The following DPP10 variants were observed in gnomAD, a reference collection of about 807,000 sequenced individuals.
DPP10 encodes the protein dipeptidyl peptidase like 10.
In DPP10, 33 loss-of-function variants were observed where a neutral mutation model predicts 120.9. The ratio of observed to expected loss-of-function variants is 0.27; its 90% confidence interval spans 0.21 to 0.37. DPP10 has a LOEUF of 0.37. Ranked by LOEUF, DPP10 falls within the 10% of genes least tolerant of loss-of-function variation. The pLI is 1.00. For missense variants in DPP10, 816 were observed against 942.8 expected, an observed-to-expected ratio of 0.87 and a Z score of 1.76; for synonymous variants, 337 against 326.1, an observed-to-expected ratio of 1.03 and a Z score of -0.36.
At chr2:114,637,347 A>G (rs1695375547) in intron 1 of DPP10, among the ~76,000 whole-genome samples, 1 of 151,904 alleles carries the variant, frequency 6.6e-6, no homozygotes, top group South Asian at 2.1e-4. Context: ...TACCCTCACT[A>G]TTGTCCTCCA....
intron 1 of DPP10, among the ~76,000 whole-genome samples, chr2:114,938,189 T>G (rs1696626177): frequency 6.6e-6 from 1 of 152,212 alleles, no homozygotes; most frequent in Non-Finnish European, 1.5e-5. Flanking sequence ...AAAATTGGTT[T>G]TATTTTTGTG....
At chr2:115,095,452 A>G (rs1709640382) in intron 1 of DPP10, among the ~76,000 whole-genome samples, 1 of 152,170 alleles carries the variant, frequency 6.6e-6, no homozygotes, top group South Asian at 2.1e-4. Context: ...ACCTGGCAGA[A>G]CACTGTGGTC....
intron 1 of DPP10, among the ~76,000 whole-genome samples, chr2:114,963,521 A>G (rs996461602): frequency 2.0e-5 from 3 of 152,236 alleles, no homozygotes; most frequent in African/African-American, 7.2e-5. Context: ...TGTAAAATTT[A>G]TATGAGGTAC....
intron 11 of DPP10, among the ~76,000 whole-genome samples, chr2:115,757,625 G>A (rs938720534): frequency 2.0e-5 from 3 of 151,798 alleles, no homozygotes; most frequent in Admixed American, 2.0e-4. Context: ...GATTTGGGTG[G>A]GACACAGCCA....
At chr2:114,601,322 A>G (rs976419218) in intron 1 of DPP10, among the ~76,000 whole-genome samples, 1 of 151,950 alleles carries the variant, frequency 6.6e-6, no homozygotes, top group Non-Finnish European at 1.5e-5. Context: ...ATTCTAGACC[A>G]AAGATCTTCT....
intron 1 of DPP10, among the ~76,000 whole-genome samples, chr2:114,540,846 A>T (rs1172321400): frequency 6.6e-6 from 1 of 152,138 alleles, no homozygotes; most frequent in Non-Finnish European, 1.5e-5. Context: ...AACCATACAT[A>T]AAATGGTATT....
At chr2:114,475,983 A>T (rs1178652738) in intron 1 of DPP10, among the ~76,000 whole-genome samples, 4 of 152,192 alleles carry the variant, frequency 2.6e-5, no homozygotes, top group Admixed American at 2.0e-4. Flanking sequence ...CTGTTTCACA[A>T]ACCATCAGAG....
intron 5 of DPP10, among the ~76,000 whole-genome samples, chr2:115,633,118 A>G (rs1320119905): frequency 3.9e-5 from 6 of 152,238 alleles, no homozygotes; most frequent in Non-Finnish European, 7.3e-5. Context: ...GCTGCTATAA[A>G]GACACATGCA....
intron 5 of DPP10, among the ~76,000 whole-genome samples, chr2:115,541,590 A>G (rs2079173720): frequency 6.6e-6 from 1 of 151,876 alleles, no homozygotes; most frequent in Non-Finnish European, 1.5e-5. Flanking sequence ...ATAATTTGCT[A>G]AAGATCTGCT....
At chr2:115,817,875 A>C (rs1687423211) in intron 21 of DPP10, among the ~76,000 whole-genome samples, 1 of 152,124 alleles carries the variant, frequency 6.6e-6, no homozygotes, top group Non-Finnish European at 1.5e-5. Flanking sequence ...TGAGGTGTCT[A>C]GAGTGGTTGA....
At chr2:115,560,243 T>C (rs532427717) in intron 5 of DPP10, among the ~76,000 whole-genome samples, 1,669 of 148,750 alleles carry the variant, frequency 0.011, 34 homozygotes, top group African/African-American at 0.038. Flanking sequence ...TGGTGGCTGG[T>C]GCCTGTAGTC....
chr2:114,809,733 C>T (rs1298305986), intron 1 of DPP10, among the ~76,000 whole-genome samples: 1 of 152,124 alleles, frequency 6.6e-6, no homozygotes, highest in Non-Finnish European at 1.5e-5. Flanking sequence ...TGACTCTTTA[C>T]CTGCATACGG....
Position 115,019,409 on chromosome 2 carries a change from G to C in DPP10, c.61-289830G>C, listed in dbSNP as rs899258046. ...TCTCAGCAAGAGAATCAAATAAGTA[G>C]AAGAAAGAACTTCAGAGCTCAAAGA... On this transcript the variant is annotated intron_variant, in intron 1 of 25. Transcript: ENST00000410059. Among the ~76,000 whole-genome samples, 4 of 151,918 alleles carry C rather than the reference G, an allele frequency of 2.6e-5. No individual in the cohort carries two copies. In the East Asian group the frequency reaches 7.7e-4, roughly 29 times the overall value.
In DPP10 at chr2:115,232,324, GAA is replaced by G. The variant is rs5833583; in HGVS notation, c.61-76905_61-76904del. On this transcript the variant is annotated intron_variant, in intron 1 of 25. Transcript: ENST00000410059. ...TGTTCTGAGCTTCACCATTTTTCTG[GAA>G]AAAAAAAAAGGTTTTTAGGTGCTTT... 7.4e-4 allele frequency among the ~76,000 whole-genome samples: 110 copies of G among 148,404 alleles called. 1 individual carries two copies. The highest frequency in any genetic ancestry group is 2.1e-3 in the African/African-American group (82 of 39,788).
rs1573629490 is a variant in DPP10 at position 114,550,343 on chromosome 2, T to A, written c.60+107505T>A. 3.3e-5 allele frequency among the ~76,000 whole-genome samples: 5 copies of A among 152,374 alleles called. No individual in the cohort carries two copies. In the South Asian group the frequency reaches 1.0e-3, roughly 32 times the overall value. On this transcript the variant is annotated intron_variant, in intron 1 of 25. Coordinates refer to ENST00000410059, the MANE Select transcript of DPP10 (RefSeq NM_020868.6). ...TTGCCAGGCACAGTTCTAAGTTCTT[T>A]ACAAATGTTAGATCATTTACTCCTC...
chr2:115,333,622 G>A (rs1292276292), intron 2 of DPP10, among the ~76,000 whole-genome samples: 1 of 152,042 alleles, frequency 6.6e-6, no homozygotes, highest in African/African-American at 2.4e-5. Context: ...AGGCCTGGTG[G>A]TGACAAAATC....
At chr2:115,380,633 G>A (rs1218379300) in intron 3 of DPP10, among the ~76,000 whole-genome samples, 3 of 151,972 alleles carry the variant, frequency 2.0e-5, no homozygotes, top group African/African-American at 7.2e-5. Context: ...AGTTGATGCA[G>A]TTTCTTCCTA....
intron 3 of DPP10, among the ~76,000 whole-genome samples, chr2:115,368,154 C>G (rs1471663374): frequency 6.6e-6 from 1 of 152,036 alleles, no homozygotes; most frequent in Non-Finnish European, 1.5e-5. Context: ...TGAGTTTGTG[C>G]TAACAAAATC....
intron 14 of DPP10, 123 bp downstream of exon 14, chr2:115,777,422 A>T: frequency 1.2e-6 from 1 of 826,780 alleles, no homozygotes; most frequent in Non-Finnish European, 1.9e-6. Flanking sequence ...GGAAAGAATA[A>T]CCTTTCTTTA....
Sources: gnomAD v4.1 joint callset for allele counts (sites outside exome capture counted in the v4.1 genomes callset) on GRCh38, gnomAD v4.1.1 for gene constraint, MANE v1.5 for transcripts, NCBI Gene and HGNC (gene_info 2026-07-23, HGNC 2026-07-21) for gene names.